The following ATP8B1 variants were observed in gnomAD, a reference collection of about 807,000 sequenced individuals.
The protein encoded by ATP8B1 is phospholipid-transporting ATPase IC.
In ATP8B1, 80 loss-of-function variants were observed where a neutral mutation model predicts 149.9. The ratio of observed to expected loss-of-function variants is 0.53; its 90% CI spans 0.45 to 0.64. ATP8B1 has a LOEUF of 0.64. Among genes scored for constraint, ATP8B1 ranks in the 30% least tolerant of loss-of-function variants. The pLI is 0.00. For synonymous variants in ATP8B1, 536 were observed against 562.8 expected (o/e 0.95, Z 0.67); for missense variants, 1,247 against 1,552.6 (o/e 0.80, Z 3.31).
intron 16 of ATP8B1, among the ~76,000 whole-genome samples, chr18:57,674,382 G>A (rs1911456027): frequency 1.5e-5 from 1 of 68,240 alleles, no homozygotes; most frequent in African/African-American, 5.1e-5. Context: ...AACAATACCA[G>A]TTTCTTTTTT....
Position 57,648,231 on chromosome 18 carries a change from C to A in ATP8B1, c.*257G>T. 1 of 568,320 alleles carries A rather than the reference C, an allele frequency of 1.8e-6. No individual in the cohort carries two copies. The highest frequency in any genetic ancestry group is 3.2e-6 in the Non-Finnish European group (1 of 316,806). The allele number at this position is 568,320 out of a possible 1,614,324, so 35.2% of individuals were successfully genotyped here. A position where few individuals can be genotyped will look rare whatever the true frequency, so the allele number is the denominator to read the frequency against. On this transcript the variant is annotated 3_prime_UTR_variant, in exon 28 of 28. Transcript: ENST00000648908. ...GAACTCCTGGCCTCAGGTGATCTCC[C>A]CTCCTCAGCCTCCTAAAGTGCTGGG... is the stretch of plus-strand genomic sequence containing the variant.
At position 57,731,782 on chromosome 18, in the gene ATP8B1, G is replaced by A. The variant is rs150268416; in HGVS notation, c.26C>T (p.Thr9Met). The change falls in exon 2 of 28, where the codon ACG (threonine) becomes ATG (methionine). Residue 9 changes from threonine (T) to methionine (M), a missense_variant. Thr to Met is a moderately conservative substitution (Grantham distance 81, BLOSUM62 -1). Transcript: ENST00000648908. ...AGGCTGAGAATCCTCGTCAAATGTC[G>A]TTTCTGAGTCTCTTTCTGTACTCAT... is the stretch of plus-strand genomic sequence containing the variant. Reference protein sequence around the residue: MSTERDSETTFDEDSQPND... With the variant: MSTERDSEMTFDEDSQPND... 58 of 1,613,888 alleles carry A rather than the reference G, an allele frequency of 3.6e-5. No individual in the cohort carries two copies. The highest frequency in any genetic ancestry group is 2.0e-4 in the African/African-American group (15 of 74,860).
At chr18:57,673,179 T>C (rs1911375988) in intron 16 of ATP8B1, among the ~76,000 whole-genome samples, 1 of 151,600 alleles carries the variant, frequency 6.6e-6, no homozygotes, top group South Asian at 2.1e-4. Flanking sequence ...AATGGAGGGA[T>C]AGCCTATAAA....
At chr18:57,743,265 G>A (rs762186620) in intron 1 of ATP8B1, among the ~76,000 whole-genome samples, 11 of 152,098 alleles carry the variant, frequency 7.2e-5, no homozygotes, top group Non-Finnish European at 1.6e-4. Flanking sequence ...TGAACGCATC[G>A]TAGATTCAGA....
intron 1 of ATP8B1, among the ~76,000 whole-genome samples, chr18:57,792,512 C>A (rs905714413): frequency 1.3e-5 from 2 of 151,974 alleles, no homozygotes; most frequent in Non-Finnish European, 2.9e-5. Context: ...ACATATCATA[C>A]GATTCCATTT....
At chr18:57,769,990 C>T (rs920753029) in intron 1 of ATP8B1, among the ~76,000 whole-genome samples, 33 of 151,732 alleles carry the variant, frequency 2.2e-4, no homozygotes, top group East Asian at 3.9e-4. Flanking sequence ...CACAAGTGTG[C>T]GGTAGAGTCC....
chr18:57,648,901 T>A (rs1477278043), intron 27 of ATP8B1, among the ~76,000 whole-genome samples, 189 bp from the exon 28 acceptor site: 1 of 152,012 alleles, frequency 6.6e-6, no homozygotes, highest in East Asian at 1.9e-4. Flanking sequence ...TGTGTCTATA[T>A]CTTTTTTTTT....
intron 15 of ATP8B1, among the ~76,000 whole-genome samples, chr18:57,676,128 A>T (rs1375363594): frequency 6.6e-6 from 1 of 152,166 alleles, no homozygotes; most frequent in Non-Finnish European, 1.5e-5. Context: ...GTACCAGTTT[A>T]TCTTCCCTCT....
At chr18:57,698,738 GC>G (rs1055803803) in intron 6 of ATP8B1, among the ~76,000 whole-genome samples, 2 of 152,222 alleles carry the variant, frequency 1.3e-5, no homozygotes, top group African/African-American at 2.4e-5. Flanking sequence ...GTCTGATGGA[GC>G]TTTGTGTTGT....
intron 1 of ATP8B1, among the ~76,000 whole-genome samples, chr18:57,735,889 G>C (rs955618811): frequency 2.6e-5 from 4 of 152,172 alleles, no homozygotes; most frequent in African/African-American, 9.6e-5. Context: ...ATGGTGGTTT[G>C]CTGCACCCAT....
intron 1 of ATP8B1, among the ~76,000 whole-genome samples, chr18:57,797,679 A>C (rs997517713): frequency 6.6e-6 from 1 of 150,382 alleles, no homozygotes; most frequent in Non-Finnish European, 1.5e-5. Context: ...AAGAGAGCAG[A>C]CACCTGATCT....
At chr18:57,793,260 A>G (rs2080480511) in intron 1 of ATP8B1, among the ~76,000 whole-genome samples, 3 of 152,068 alleles carry the variant, frequency 2.0e-5, no homozygotes, top group Admixed American at 2.0e-4. Context: ...CGATCTATCA[A>G]AATAAAAGTT....
chr18:57,685,963 G>A (rs1044430183), intron 13 of ATP8B1, among the ~76,000 whole-genome samples: 5 of 140,820 alleles, frequency 3.6e-5, no homozygotes, highest in African/African-American at 1.1e-4. Flanking sequence ...AAACACAATT[G>A]TAGGCCGGGT....
At chr18:57,667,330 A>G in intron 19 of ATP8B1, 163 bp from the exon 20 acceptor site, 1 of 628,134 alleles carries the variant, frequency 1.6e-6, no homozygotes, top group African/African-American at 1.8e-5. Context: ...TGATCTGCCC[A>G]TCTCAGCACC....
intron 1 of ATP8B1, chr18:57,755,461 C>T (rs553408860): frequency 1.8e-4 from 27 of 151,816 alleles, no homozygotes; most frequent in African/African-American, 5.8e-4. Flanking sequence ...GGCCTTTGCA[C>T]AAGGATGACA....
chr18:57,730,304 A>C (rs2079748994), intron 2 of ATP8B1, among the ~76,000 whole-genome samples: 1 of 152,250 alleles, frequency 6.6e-6, no homozygotes, highest in African/African-American at 2.4e-5. Flanking sequence ...GCAGTAACAG[A>C]GACCTCGGGA....
chr18:57,793,126 C>T (rs1159662086), intron 1 of ATP8B1, among the ~76,000 whole-genome samples: 1 of 152,200 alleles, frequency 6.6e-6, no homozygotes, highest in Non-Finnish European at 1.5e-5. Flanking sequence ...CACAGCCCAG[C>T]GAATTTCCAG....
At chr18:57,725,051 T>C (rs319421) in intron 2 of ATP8B1, among the ~76,000 whole-genome samples, 19,787 of 103,802 alleles carry the variant, frequency 0.19, 2,060 homozygotes, top group East Asian at 0.51. Flanking sequence ...AATTGAACAA[T>C]GAGATCACAT....
intron 16 of ATP8B1, 55 bp from the exon 17 acceptor site, chr18:57,671,635 T>TA: frequency 2.4e-6 from 3 of 1,275,244 alleles, no homozygotes; most frequent in South Asian, 1.2e-5. Context: ...TATATATATA[T>TA]TTTTTGAGAC....
Sources: gnomAD v4.1 joint callset for allele counts (sites outside exome capture counted in the v4.1 genomes callset) on GRCh38, gnomAD v4.1.1 for gene constraint, MANE v1.5 for transcripts, NCBI Gene and HGNC (gene_info 2026-07-23, HGNC 2026-07-21) for gene names.